SKAP2: variants seen among roughly 807,000 people sequenced by gnomAD.
SKAP2 encodes the protein src kinase-associated phosphoprotein 2.
A neutral mutation model predicts 54.9 loss-of-function variants in SKAP2; 28 were observed. The observed-to-expected ratio is 0.51, with a 90% CI of 0.38 to 0.70. SKAP2 has a LOEUF of 0.70. Ranked by LOEUF, SKAP2 falls within the 30% of genes least tolerant of loss-of-function variation. SKAP2 has a pLI of 0.00. For synonymous variants in SKAP2, 137 were observed against 134.3 expected (o/e 1.02, Z -0.14); for missense variants, 356 against 424.1 (o/e 0.84, Z 1.41).
At chr7:26,710,328 C>T (rs1467917973) in intron 9 of SKAP2, among the ~76,000 whole-genome samples, 1 of 152,106 alleles carries the variant, frequency 6.6e-6, no homozygotes, top group Non-Finnish European at 1.5e-5. Context: ...TAGCACATAT[C>T]AACATTTAAA....
intron 4 of SKAP2, among the ~76,000 whole-genome samples, chr7:26,814,577 A>G (rs1784225189): frequency 6.6e-6 from 1 of 152,070 alleles, no homozygotes. Flanking sequence ...AAAAAAAAAA[A>G]AAAAAGATTC....
intron 4 of SKAP2, among the ~76,000 whole-genome samples, chr7:26,752,137 T>C (rs947566893): frequency 1.3e-5 from 2 of 152,106 alleles, no homozygotes; most frequent in African/African-American, 4.8e-5. Flanking sequence ...CATTTACACT[T>C]GTGAGGAGTG....
At position 26,788,673 on chromosome 7, in the gene SKAP2, A is replaced by T. The variant is rs560487038; in HGVS notation, c.308-48709T>A. 2.6e-5 allele frequency among the ~76,000 whole-genome samples: 4 copies of T among 152,310 alleles called. No homozygotes were observed. In the East Asian group the frequency reaches 7.7e-4, roughly 29 times the overall value. On this transcript the variant is annotated intron_variant, in intron 4 of 12. Coordinates refer to ENST00000345317, the MANE Select transcript of SKAP2 (RefSeq NM_003930.5). ...TGACTTTTTGTTACTATGAGCACAA[A>T]ATGCAACTCTAGCACTAATCAAGTG...
intron 4 of SKAP2, among the ~76,000 whole-genome samples, chr7:26,746,360 G>A (rs551624404): frequency 6.6e-6 from 1 of 152,280 alleles, no homozygotes; most frequent in Non-Finnish European, 1.5e-5. Context: ...CAGGGATGCA[G>A]ACACTTTGTT....
At chr7:26,672,334 C>T (rs79282372) in intron 11 of SKAP2, among the ~76,000 whole-genome samples, 4,030 of 152,072 alleles carry the variant, frequency 0.027, 173 homozygotes, top group African/African-American at 0.092. Flanking sequence ...TCAACAAGGG[C>T]AGACTTCACA....
At chr7:26,719,874 A>G (rs574845172) in intron 9 of SKAP2, among the ~76,000 whole-genome samples, 5 of 152,356 alleles carry the variant, frequency 3.3e-5, no homozygotes, top group Admixed American at 6.5e-5. Context: ...TTATTAATTC[A>G]AGTGATAAGA....
chr7:26,739,967 A>T lies in SKAP2; in HGVS notation c.308-3T>A. 6.2e-7 allele frequency: 1 copy of T among 1,601,044 alleles called. No homozygotes were observed. Among genetic ancestry groups the T allele is most frequent in the South Asian group, 1.1e-5 (1 of 89,340 alleles). On this transcript the variant is annotated splice_polypyrimidine_tract_variant and splice_region_variant and intron_variant, in intron 4 of 12. Transcript: ENST00000345317. The stretch of plus-strand genomic sequence containing the variant: ...TGCAATTGGAGGAAACTGGGCTCCT[A>T]TGAGAAGTTGGGGAGAGAAAAAAAA...
chr7:26,844,272 A>G (rs145366623), intron 3 of SKAP2, 135 bp from the exon 4 acceptor site: 550 of 580,764 alleles, frequency 9.5e-4, no homozygotes, highest in Non-Finnish European at 1.5e-3. Context: ...ATGGAAAAAC[A>G]AAGAAAACTT....
rs1042081770 is a variant in SKAP2 at position 26,667,353 on chromosome 7, A to T, written c.*2313T>A. 3 of 152,168 alleles carry T rather than the reference A, an allele frequency of 2.0e-5. No homozygotes were observed. The highest frequency in any genetic ancestry group is 6.6e-5 in the Admixed American group (1 of 15,262). 9.4% of individuals were successfully genotyped at this position (152,168 alleles called of 1,614,324 possible). On this transcript the variant is annotated 3_prime_UTR_variant, in exon 13 of 13. Transcript: ENST00000345317. ...TAATGATATTATTATGATCTTGAAG[A>T]GTATGTGATATATTGTCAAGGGTGT... is the stretch of plus-strand genomic sequence containing the variant.
intron 11 of SKAP2, among the ~76,000 whole-genome samples, chr7:26,678,320 A>G (rs1000259704): frequency 4.6e-5 from 7 of 152,196 alleles, no homozygotes; most frequent in Admixed American, 2.0e-4. Context: ...GACGCACTAT[A>G]AGGCAATCTG....
intron 4 of SKAP2, among the ~76,000 whole-genome samples, chr7:26,835,761 A>G (rs1341501646): frequency 6.6e-6 from 1 of 152,184 alleles, no homozygotes; most frequent in Non-Finnish European, 1.5e-5. Context: ...AAATGGCCAT[A>G]CTACCCAAAG....
intron 9 of SKAP2, among the ~76,000 whole-genome samples, chr7:26,691,009 T>C (rs867142869): frequency 1.3e-5 from 2 of 152,172 alleles, no homozygotes; most frequent in Middle Eastern, 3.2e-3. Context: ...TTATGTGTCA[T>C]ATACAATGCT....
chr7:26,857,614 C>T, intron 1 of SKAP2: 1 of 985,412 alleles, frequency 1.0e-6, no homozygotes, highest in Non-Finnish European at 1.2e-6. Context: ...CGAGATGCTC[C>T]AGCTCTGCCC....
At chr7:26,791,895 A>T (rs1221344798) in intron 4 of SKAP2, among the ~76,000 whole-genome samples, 3 of 152,214 alleles carry the variant, frequency 2.0e-5, no homozygotes, top group Non-Finnish European at 4.4e-5. Context: ...TTGTACACCA[A>T]CACTTACAGT....
chr7:26,678,694 G>T (rs1001684558), intron 11 of SKAP2, among the ~76,000 whole-genome samples: 1 of 152,082 alleles, frequency 6.6e-6, no homozygotes, highest in Non-Finnish European at 1.5e-5. Flanking sequence ...TCCTGCCTCG[G>T]CCTCCCAAAG....
At chr7:26,828,934 C>T (rs1784547886) in intron 4 of SKAP2, among the ~76,000 whole-genome samples, 1 of 151,388 alleles carries the variant, frequency 6.6e-6, no homozygotes, top group Non-Finnish European at 1.5e-5. Flanking sequence ...GGCTGAGGCA[C>T]GAGAATCACT....
chr7:26,691,611 T>C (rs1055169669), intron 9 of SKAP2, among the ~76,000 whole-genome samples: 1 of 152,066 alleles, frequency 6.6e-6, no homozygotes, highest in African/African-American at 2.4e-5. Flanking sequence ...ACAGCACAGA[T>C]GGGACAGAAG....
chr7:26,806,760 C>T (rs534981), intron 4 of SKAP2, among the ~76,000 whole-genome samples: 77,811 of 152,014 alleles, frequency 0.51, 20,661 homozygotes, highest in East Asian at 0.86. Flanking sequence ...ACAACACTCC[C>T]TTAAGGTGAA....
chr7:26,740,430 A>G (rs1782414354), intron 4 of SKAP2, among the ~76,000 whole-genome samples: 1 of 152,212 alleles, frequency 6.6e-6, no homozygotes, highest in Admixed American at 6.5e-5. Flanking sequence ...CTGAGCCCAC[A>G]GCAAATATTC....
Sources: gnomAD v4.1 joint callset for allele counts (sites outside exome capture counted in the v4.1 genomes callset) on GRCh38, gnomAD v4.1.1 for gene constraint, MANE v1.5 for transcripts, NCBI Gene and HGNC (gene_info 2026-07-23, HGNC 2026-07-21) for gene names.